Variants in CD109 observed in about 807,000 individuals in gnomAD.
CD109 encodes CD109 antigen.
A neutral mutation model predicts 165.8 loss-of-function variants in CD109; 149 were observed. That is an observed-to-expected ratio of 0.90 (90% CI 0.79 to 1.03). The LOEUF is 1.03. Ranked by LOEUF, CD109 falls within the 50% of genes least tolerant of loss-of-function variation. The probability of loss-of-function intolerance (pLI) is 0.00; values close to 1 mark genes in which losing one functional copy is unlikely to be tolerated. For missense variants in CD109, 1,712 were observed against 1,677.8 expected, an observed-to-expected ratio of 1.02 and a Z score of -0.36; for synonymous variants, 585 against 592.1, an observed-to-expected ratio of 0.99 and a Z score of 0.18.
chr6:73,748,541 G>T (rs1297884802), intron 5 of CD109, among the ~76,000 whole-genome samples: 1 of 152,150 alleles, frequency 6.6e-6, no homozygotes, highest in African/African-American at 2.4e-5. Flanking sequence ...AGATCAGAAG[G>T]TCCATGCGGG....
At chr6:73,765,850 T>C (rs1488670054) in intron 10 of CD109, 80 bp from the exon 11 acceptor site, 6 of 1,032,592 alleles carry the variant, frequency 5.8e-6, no homozygotes, top group Non-Finnish European at 7.2e-6. Context: ...TTCAATTTCA[T>C]GAGAATACTA....
chr6:73,798,006 T>C (rs7745364), intron 23 of CD109, among the ~76,000 whole-genome samples: 82,226 of 151,970 alleles, frequency 0.54, 22,771 homozygotes, highest in African/African-American at 0.66. Flanking sequence ...ATGTTTTTGC[T>C]TTTCTCGTCT....
the CD109 span, among the ~76,000 whole-genome samples, chr6:73,681,712 C>T: frequency 6.6e-6 from 1 of 151,946 alleles, no homozygotes; most frequent in African/African-American, 2.4e-5. Context: ...AAGTGATTCT[C>T]CTGTCTCAGA....
At chr6:73,721,319 G>A (rs1373176084) in intron 2 of CD109, among the ~76,000 whole-genome samples, 4 of 151,984 alleles carry the variant, frequency 2.6e-5, no homozygotes, top group South Asian at 2.1e-4. Flanking sequence ...AAGAGTATAT[G>A]AGACCATTTA....
At chr6:73,763,321 T>G (rs1294601314) in intron 9 of CD109, among the ~76,000 whole-genome samples, 1 of 152,204 alleles carries the variant, frequency 6.6e-6, no homozygotes, top group African/African-American at 2.4e-5. Context: ...AAGACTATTC[T>G]TTCATTGGCC....
chr6:73,710,775 G>A (rs1415089430), intron 2 of CD109, among the ~76,000 whole-genome samples: 1 of 152,116 alleles, frequency 6.6e-6, no homozygotes, highest in African/African-American at 2.4e-5. Flanking sequence ...GAGAGCCACA[G>A]GGGTCGGCAA....
intron 2 of CD109, among the ~76,000 whole-genome samples, chr6:73,716,204 A>G (rs1771738323): frequency 6.6e-6 from 1 of 152,174 alleles, no homozygotes. Context: ...GTTGCTTCCA[A>G]ATCTTAGCTA....
At chr6:73,799,858 A>ATT (rs567805191) in intron 23 of CD109, among the ~76,000 whole-genome samples, 18 of 142,506 alleles carry the variant, frequency 1.3e-4, no homozygotes, top group African/African-American at 2.3e-4. Context: ...TCCCCCCGCA[A>ATT]TTTTTTTTTT....
chr6:73,791,160 T>TATATATATATATACACACATACAC (rs1774930743), intron 22 of CD109, among the ~76,000 whole-genome samples: 2 of 33,418 alleles, frequency 6.0e-5, no homozygotes, highest in African/African-American at 2.4e-4. Context: ...TATATATATA[T>TATATATATATATACACACATACAC]ATATATATAT....
At chr6:73,785,131 T>C (rs1774639354) in intron 19 of CD109, among the ~76,000 whole-genome samples, 1 of 152,192 alleles carries the variant, frequency 6.6e-6, no homozygotes, top group Non-Finnish European at 1.5e-5. Context: ...AAGTGTTTGG[T>C]TGCTATAAGG....
chr6:73,758,663 G>A (rs559954880), intron 6 of CD109, among the ~76,000 whole-genome samples: 1 of 152,100 alleles, frequency 6.6e-6, no homozygotes. Flanking sequence ...AATTACAGGC[G>A]TGAGCCACTA....
At chr6:73,735,939 C>T (rs1314109280) in intron 4 of CD109, among the ~76,000 whole-genome samples, 5 of 152,248 alleles carry the variant, frequency 3.3e-5, no homozygotes, top group East Asian at 1.9e-4. Context: ...CTACCACCAC[C>T]GCCGCCACCA....
At chr6:73,696,021 T>C, upstream of CD109, 1 of 554,898 alleles carries the variant, frequency 1.8e-6, no homozygotes. Flanking sequence ...GCCATTGTAA[T>C]GGGGATGGGA....
In CD109 at chr6:73,826,634, T is replaced by G. The variant is rs1776285550; in HGVS notation, c.*3001T>G. 1 of 152,234 alleles carries G rather than the reference T, an allele frequency of 6.6e-6. No individual in the cohort carries two copies. The highest frequency in any genetic ancestry group is 2.1e-4 in the South Asian group (1 of 4,832). 9.4% of individuals were successfully genotyped at this position (152,234 alleles called of 1,614,324 possible). A position where few individuals can be genotyped will look rare whatever the true frequency, so the allele number is the denominator to read the frequency against. ...CTTTTATTGTGTTGTGCTATTGTAC[T>G]TTGTTTTTCAAAACATTGTAAAAAT... On this transcript the variant is annotated 3_prime_UTR_variant, in exon 33 of 33. Coordinates refer to ENST00000287097, the MANE Select transcript of CD109 (RefSeq NM_133493.5).
intron 4 of CD109, 71 bp downstream of exon 4, chr6:73,730,645 G>A: frequency 1.1e-6 from 1 of 926,842 alleles, no homozygotes; most frequent in Non-Finnish European, 1.7e-6. Flanking sequence ...AGTTCTGCTT[G>A]TGTTACTGAC....
At position 73,824,664 on chromosome 6, in the gene CD109, G is replaced by A. The variant is rs1776217934; in HGVS notation, c.*1031G>A. Reference sequence around the variant, plus strand: ...AGTTCAGGGGTGTGAGCATTAGACTGCCAGTTGTCTAGTGACATCTGATGC... The same window carrying A: ...AGTTCAGGGGTGTGAGCATTAGACTACCAGTTGTCTAGTGACATCTGATGC... On this transcript the variant is annotated 3_prime_UTR_variant, in exon 33 of 33. Coordinates refer to ENST00000287097, the MANE Select transcript of CD109 (RefSeq NM_133493.5). The A allele has an allele frequency of 6.6e-6, 1 of 152,192 alleles. No homozygotes were observed. The highest frequency in any genetic ancestry group is 6.5e-5 in the Admixed American group (1 of 15,278). The allele number at this position is 152,192 out of a possible 1,614,324, so 9.4% of individuals were successfully genotyped here. A position where few individuals can be genotyped will look rare whatever the true frequency, so the allele number is the denominator to read the frequency against.
intron 23 of CD109, among the ~76,000 whole-genome samples, chr6:73,801,401 C>T (rs559683439): frequency 9.8e-5 from 15 of 152,312 alleles, no homozygotes; most frequent in Middle Eastern, 6.8e-3. Flanking sequence ...ATTACTGCAC[C>T]GTAATAATTC....
intron 5 of CD109, among the ~76,000 whole-genome samples, chr6:73,753,907 T>C (rs2150211142): frequency 6.6e-6 from 1 of 152,342 alleles, no homozygotes; most frequent in African/African-American, 2.4e-5. Flanking sequence ...TTTATTCATT[T>C]ATACTTATGT....
the CD109 span, among the ~76,000 whole-genome samples, chr6:73,681,527 G>A: frequency 6.6e-6 from 1 of 152,034 alleles, no homozygotes; most frequent in Non-Finnish European, 1.5e-5. Flanking sequence ...CAATCACGGT[G>A]GAAGGCAAGG....
Sources: allele counts gnomAD v4.1 joint callset (sites outside exome capture counted in the v4.1 genomes callset), GRCh38; gene constraint gnomAD v4.1.1; transcripts MANE v1.5; gene names NCBI Gene and HGNC (gene_info 2026-07-23, HGNC 2026-07-21).